The following TSPAN32 variants were observed in gnomAD, a reference collection of about 807,000 sequenced individuals.
TSPAN32 encodes tetraspanin-32.
TSPAN32 carries 47 observed loss-of-function variants against 42.7 expected under a neutral mutation model. The ratio of observed to expected loss-of-function variants is 1.10; its 90% CI spans 0.87 to 1.40. The LOEUF (loss-of-function observed/expected upper bound fraction) is 1.40, where lower values mean the gene tolerates loss of function less well. Ranked by LOEUF, TSPAN32 falls within the 40% of genes most tolerant of loss-of-function variation. The pLI, the probability that TSPAN32 is intolerant of heterozygous loss-of-function variation, is 0.00. For missense variants in TSPAN32, 469 were observed against 424.1 expected, an observed-to-expected ratio of 1.11 and a Z score of -0.93; for synonymous variants, 175 against 175.9, an observed-to-expected ratio of 0.99 and a Z score of 0.04.
intron 2 of TSPAN32, 72 bp downstream of exon 2, chr11:2,303,030 G>A (rs1315460393): frequency 7.2e-7 from 1 of 1,383,264 alleles, no homozygotes; most frequent in Non-Finnish European, 1.0e-6. Context: ...GAGCCCAGCT[G>A]GACGCCTCAC....
rs775440619 is a variant in TSPAN32 at position 2,304,071 on chromosome 11, G to A, written c.182-36G>A. On this transcript the variant is annotated intron_variant, in intron 2 of 9. Transcript: ENST00000182290. This position sits in a 1 kb window ranked among gnomAD's most constrained non-coding sequence, Gnocchi z 4.8. ...TGTGTGCACTCAGGACCTGTCCTGG[G>A]CACCCCTAACCCTCCTCCTCTCTCC... The A allele has an allele frequency of 6.6e-7, 1 of 1,513,444 alleles. No homozygotes were observed. The highest frequency in any genetic ancestry group is 9.0e-7 in the Non-Finnish European group (1 of 1,111,360). 93.8% of individuals were successfully genotyped at this position (1,513,444 alleles called of 1,614,324 possible).
chr11:2,315,736 T>C (rs1589818534), intron 6 of TSPAN32: 1 of 1,225,024 alleles, frequency 8.2e-7, no homozygotes, highest in East Asian at 5.7e-5. Flanking sequence ...TGCCTCTGGG[T>C]GCCATGCCCT....
In TSPAN32 at chr11:2,317,528, G is replaced by T; in HGVS notation, c.901+3G>T. The T allele has an allele frequency of 6.4e-7, 1 of 1,574,314 alleles. No individual in the cohort carries two copies. Among genetic ancestry groups the T allele is most frequent in the South Asian group, 1.2e-5 (1 of 86,736 alleles). ...CTGCCACCTGGCTGCCCACAGAGGT[G>T]AAGACGCCCCTGCTGTCAGCCCTCA... On this transcript the variant is annotated splice_donor_region_variant and intron_variant, in intron 9 of 9. Transcript: ENST00000182290. The surrounding 1 kb of genome is among the most constrained non-coding windows in gnomAD (Gnocchi z 6.2).
chr11:2,302,389 G>T (rs2234290), intron 1 of TSPAN32, among the ~76,000 whole-genome samples, 174 bp downstream of exon 1: 62,016 of 152,086 alleles, frequency 0.41, 13,083 homozygotes, highest in Non-Finnish European at 0.47. Context: ...AGGCAGGCAG[G>T]GACCACCATG....
Position 2,313,601 on chromosome 11 carries a change from T to C in TSPAN32, c.355-53T>C, listed in dbSNP as rs1475594719. 7.0e-7 allele frequency: 1 copy of C among 1,437,670 alleles called. No homozygotes were observed. Among genetic ancestry groups the C allele is most frequent in the African/African-American group, 1.4e-5 (1 of 70,718 alleles). The allele number at this position is 1,437,670 out of a possible 1,614,324, so 89.1% of individuals were successfully genotyped here. A position where few individuals can be genotyped will look rare whatever the true frequency, so the allele number is the denominator to read the frequency against. ...TTGGGATGTCGTGGGGAGGGGGCTGTGTCCCCGGATCTCCCACCAGGGCCA... is the reference window on the plus strand; with the variant it reads ...TTGGGATGTCGTGGGGAGGGGGCTGCGTCCCCGGATCTCCCACCAGGGCCA... On this transcript the variant is annotated intron_variant, in intron 4 of 9. Coordinates refer to ENST00000182290, the MANE Select transcript of TSPAN32 (RefSeq NM_139022.3). This position sits in a 1 kb window ranked among gnomAD's most constrained non-coding sequence, Gnocchi z 9.1.
chr11:2,309,715 G>T (rs1207421080), intron 4 of TSPAN32, among the ~76,000 whole-genome samples: 1 of 152,228 alleles, frequency 6.6e-6, no homozygotes, highest in Non-Finnish European at 1.5e-5. Flanking sequence ...CTGGTAGCAG[G>T]CAGGTCCTCT....
rs550794098 is a variant in TSPAN32 at position 2,303,078 on chromosome 11, G to C, written c.181+120G>C. The C allele has an allele frequency of 1.1e-5, 10 of 917,716 alleles. No individual in the cohort carries two copies. In the South Asian group the frequency reaches 1.5e-4, roughly 13 times the overall value. The allele number at this position is 917,716 out of a possible 1,614,324, so 56.8% of individuals were successfully genotyped here. ...GCCAGGCCCTAGGCAGGAGCCAGAG[G>C]TGGTCAGGGGCAGGGAGGGGCTGCC... On this transcript the variant is annotated intron_variant, in intron 2 of 9. Transcript: ENST00000182290.
intron 3 of TSPAN32, among the ~76,000 whole-genome samples, chr11:2,306,013 T>TGTGTGC (rs1848060457): frequency 6.6e-6 from 1 of 151,514 alleles, no homozygotes; most frequent in Non-Finnish European, 1.5e-5. Context: ...CATGAGTGTG[T>TGTGTGC]GTGTGCATGT....
chr11:2,309,640 G>C (rs560789665), intron 4 of TSPAN32: 3 of 282,826 alleles, frequency 1.1e-5, no homozygotes, highest in Non-Finnish European at 2.2e-5. Context: ...TAGTGGCCTC[G>C]TGTATTCAAG....
intron 2 of TSPAN32, chr11:2,303,412 A>T: frequency 4.8e-6 from 1 of 206,406 alleles, no homozygotes; most frequent in Admixed American, 5.7e-5. Flanking sequence ...CCCTGCAGGG[A>T]CTCAGCAGCG....
Position 2,304,181 on chromosome 11 carries a change from G to T in TSPAN32, c.256G>T (p.Glu86Ter). The change falls in exon 3 of 10, where the codon GAG (glutamate) becomes TAG (stop). Residue 86 changes from glutamate (E) to a stop codon, truncating the protein, a stop_gained. Coordinates refer to ENST00000182290, the MANE Select transcript of TSPAN32 (RefSeq NM_139022.3). LOFTEE classifies it high-confidence loss of function. The surrounding 1 kb of genome is among the most constrained non-coding windows in gnomAD (Gnocchi z 4.8). The stretch of plus-strand genomic sequence containing the variant: ...GCTGAGCGCTGCAGCCACCGTGAGG[G>T]AGGCCCAGGGCCTCATGGCAGGGGT... ...AVLSAAATVR[E>*]AQGLMAGGFL... 6.3e-7 allele frequency: 1 copy of T among 1,582,978 alleles called. No individual in the cohort carries two copies. Among genetic ancestry groups the T allele is most frequent in the East Asian group, 2.3e-5 (1 of 43,430 alleles).
At chr11:2,314,750 CATGGTACGCCAAGCCCAT>C in intron 6 of TSPAN32, 179 bp downstream of exon 6, 1 of 601,562 alleles carries the variant, frequency 1.7e-6, no homozygotes, top group East Asian at 2.8e-5. Context: ...AGTTAGGGTT[CATGGTACGCCAAGCCCAT>C]TGGGTGGCCA....
At chr11:2,306,857 GGGGAGAAGAAGGA>G (rs1848132946) in intron 3 of TSPAN32, 1 of 90,894 alleles carries the variant, frequency 1.1e-5, no homozygotes, top group African/African-American at 4.4e-5. Flanking sequence ...GAGGGGGAGG[GGGGAGAAGAAGGA>G]GGGAGGGGGA....
intron 4 of TSPAN32, among the ~76,000 whole-genome samples, chr11:2,312,746 C>T (rs921723807): frequency 2.0e-5 from 3 of 152,302 alleles, no homozygotes; most frequent in Admixed American, 1.3e-4. Context: ...CTTCCATCCT[C>T]CCCCAGCCCT....
chr11:2,315,461 A>G, intron 6 of TSPAN32: 2 of 1,133,152 alleles, frequency 1.8e-6, no homozygotes, highest in South Asian at 4.0e-5. Context: ...ACTGAAAAGC[A>G]GGAGCGAGGG....
At chr11:2,305,479 G>T (rs982883023) in intron 3 of TSPAN32, among the ~76,000 whole-genome samples, 9 of 152,200 alleles carry the variant, frequency 5.9e-5, no homozygotes, top group Admixed American at 2.0e-4. Flanking sequence ...GGCCCAGAAA[G>T]AACCAGCGCT....
intron 3 of TSPAN32, among the ~76,000 whole-genome samples, chr11:2,305,986 ATG>A (rs745578266): frequency 9.9e-4 from 147 of 148,104 alleles, no homozygotes; most frequent in Non-Finnish European, 1.9e-3. Flanking sequence ...GCAAATATAC[ATG>A]TGTGTGTGCA....
Position 2,317,218 on chromosome 11 carries a change from A to T in TSPAN32, c.720-126A>T, listed in dbSNP as rs1848848336. ...CAGTCCCCCTAGAACATTCCACAGC[A>T]GCTCCATAATCCCCTCCAGAACATT... On this transcript the variant is annotated intron_variant, in intron 8 of 9. Transcript: ENST00000182290. The surrounding 1 kb of genome is among the most constrained non-coding windows in gnomAD (Gnocchi z 6.2). 1 of 723,782 alleles carries T rather than the reference A, an allele frequency of 1.4e-6. No individual in the cohort carries two copies. The highest frequency in any genetic ancestry group is 1.8e-5 in the South Asian group (1 of 55,966). The allele number at this position is 723,782 out of a possible 1,614,324, so 44.8% of individuals were successfully genotyped here.
At chr11:2,311,260 T>A (rs1373708392) in intron 4 of TSPAN32, among the ~76,000 whole-genome samples, 2 of 152,064 alleles carry the variant, frequency 1.3e-5, no homozygotes, top group Non-Finnish European at 2.9e-5. Context: ...GGGGTGCCCC[T>A]CCACCTCCCC....
Sources: gnomAD v4.1 joint callset for allele counts (sites outside exome capture counted in the v4.1 genomes callset) on GRCh38, gnomAD v4.1.1 for gene constraint, Gnocchi (gnomAD v3.1) non-coding constraint, MANE v1.5 for transcripts, NCBI Gene and HGNC (gene_info 2026-07-23, HGNC 2026-07-21) for gene names.